The following UBE2D4 variants were observed in gnomAD, a reference collection of about 807,000 sequenced individuals.
The protein encoded by UBE2D4 is ubiquitin conjugating enzyme E2 D4.
UBE2D4 carries 17 observed loss-of-function variants against 23.0 expected under a neutral mutation model. The ratio of observed to expected loss-of-function variants is 0.74; its 90% CI spans 0.51 to 1.11. The LOEUF (loss-of-function observed/expected upper bound fraction) is 1.11, where lower values mean the gene tolerates loss of function less well. Ranked by LOEUF, UBE2D4 falls within the 50% of genes least tolerant of loss-of-function variation. UBE2D4 has a pLI of 0.00. For synonymous variants in UBE2D4, 61 were observed against 69.4 expected, an observed-to-expected ratio of 0.88 and a Z score of 0.60; for missense variants, 139 against 181.8, an observed-to-expected ratio of 0.76 and a Z score of 1.35.
rs2096010707 is a variant in UBE2D4, at chr7:43,955,078, T to C, written c.*2383T>C. 6.6e-6 allele frequency: 1 copy of C among 152,180 alleles called. No homozygotes were observed. The highest frequency in any genetic ancestry group is 1.5e-5 in the Non-Finnish European group (1 of 68,038). The allele number at this position is 152,180 out of a possible 1,614,324, so 9.4% of individuals were successfully genotyped here. A position where few individuals can be genotyped will look rare whatever the true frequency, so the allele number is the denominator to read the frequency against. On this transcript the variant is annotated 3_prime_UTR_variant, in exon 7 of 7. Coordinates refer to ENST00000222402, the MANE Select transcript of UBE2D4 (RefSeq NM_015983.4). ...GGTGGCTTTGTACCTTCCAGATCTC[T>C]CAGCAAATCCCCTGGGCAGAAATGT...
At chr7:43,950,983 C>A (rs2096001159) in intron 6 of UBE2D4, among the ~76,000 whole-genome samples, 1 of 152,182 alleles carries the variant, frequency 6.6e-6, no homozygotes, top group African/African-American at 2.4e-5. Context: ...CCCTCAAGAC[C>A]AGCAAAATCA....
At chr7:43,946,269 A>C (rs961060600) in intron 4 of UBE2D4, 5 of 152,154 alleles carry the variant, frequency 3.3e-5, no homozygotes, top group Non-Finnish European at 4.4e-5. Flanking sequence ...GGTACCATGT[A>C]CCTACTTATA....
intron 1 of UBE2D4, among the ~76,000 whole-genome samples, chr7:43,937,902 T>A (rs924703577): frequency 6.6e-6 from 1 of 152,160 alleles, no homozygotes; most frequent in Non-Finnish European, 1.5e-5. Context: ...ACTTGCCACA[T>A]AACCAGTGGT....
chr7:43,948,790 C>T (rs2095994531), intron 5 of UBE2D4, 53 bp downstream of exon 5: 2 of 1,371,680 alleles, frequency 1.5e-6, no homozygotes, highest in Non-Finnish European at 2.1e-6. Flanking sequence ...GTTTTTACCC[C>T]AGCACTGACT....
chr7:43,934,453 C>CTTTTT (rs36122809), intron 1 of UBE2D4, among the ~76,000 whole-genome samples: 46 of 142,236 alleles, frequency 3.2e-4, no homozygotes, highest in African/African-American at 1.0e-3. Context: ...CTTGTTTTTC[C>CTTTTT]TTTTTTTTTT....
rs2096000424 is a variant in UBE2D4 at position 43,950,700 on chromosome 7, T to C, written c.398+8T>C. The C allele has an allele frequency of 7.4e-6, 12 of 1,612,968 alleles. No individual in the cohort carries two copies. The highest frequency in any genetic ancestry group is 1.0e-5 in the Non-Finnish European group (12 of 1,178,914). ...CAAGGCCGACAGAGAGAAGTACGTG[T>C]CCTCTTTGGGTTGCCTTTGCACCAT... is the stretch of plus-strand genomic sequence containing the variant. On this transcript the variant is annotated splice_region_variant and intron_variant, in intron 6 of 6. Coordinates refer to ENST00000222402, the MANE Select transcript of UBE2D4 (RefSeq NM_015983.4).
At chr7:43,951,301 T>A (rs1218046373) in intron 6 of UBE2D4, among the ~76,000 whole-genome samples, 1 of 152,156 alleles carries the variant, frequency 6.6e-6, no homozygotes, top group African/African-American at 2.4e-5. Flanking sequence ...CTGTAGTTGG[T>A]GGGGCAGGCA....
chr7:43,948,488 T>G, intron 4 of UBE2D4, 144 bp from the exon 5 acceptor site: 2 of 594,724 alleles, frequency 3.4e-6, no homozygotes, highest in Non-Finnish European at 6.1e-6. Context: ...AGTTTGGGAG[T>G]GGGGGTCTGG....
intron 1 of UBE2D4, among the ~76,000 whole-genome samples, chr7:43,938,137 G>GAGCT (rs1426634081): frequency 6.6e-6 from 1 of 152,132 alleles, no homozygotes; most frequent in Admixed American, 6.5e-5. Flanking sequence ...GGGTAAGGCA[G>GAGCT]AGCTACATGT....
chr7:43,939,137 T>G (rs2095965286), intron 2 of UBE2D4, among the ~76,000 whole-genome samples: 1 of 152,180 alleles, frequency 6.6e-6, no homozygotes, highest in Non-Finnish European at 1.5e-5. Flanking sequence ...GTAAATATTG[T>G]TGGAGTTGGT....
At chr7:43,933,116 TTA>T (rs1214784819) in intron 1 of UBE2D4, among the ~76,000 whole-genome samples, 1 of 148,782 alleles carries the variant, frequency 6.7e-6, no homozygotes, top group Non-Finnish European at 1.5e-5. Context: ...ACATATATAC[TTA>T]TATGTGTGTA....
At chr7:43,948,767 C>T (rs2095994440) in intron 5 of UBE2D4, 30 bp downstream of exon 5, 5 of 1,504,136 alleles carry the variant, frequency 3.3e-6, no homozygotes, top group Non-Finnish European at 3.7e-6. Context: ...GCTCTGTGTG[C>T]TCTTTTACAC....
intron 2 of UBE2D4, chr7:43,942,491 T>C: frequency 2.1e-6 from 1 of 478,740 alleles, no homozygotes; most frequent in Middle Eastern, 6.1e-4. Context: ...GGGTGTTCTG[T>C]GTGTGTTGCC....
chr7:43,940,048 T>C (rs2095967848), intron 2 of UBE2D4, among the ~76,000 whole-genome samples: 1 of 152,158 alleles, frequency 6.6e-6, no homozygotes, highest in Non-Finnish European at 1.5e-5. Flanking sequence ...AAAAGAAATT[T>C]CACAAAGCTG....
At chr7:43,946,879 C>CT (rs934547842) in intron 4 of UBE2D4, among the ~76,000 whole-genome samples, 42 of 148,234 alleles carry the variant, frequency 2.8e-4, no homozygotes, top group African/African-American at 6.7e-4. Context: ...TTCTCTTTTT[C>CT]TTTTTTTTTT....
intron 1 of UBE2D4, among the ~76,000 whole-genome samples, chr7:43,927,300 T>C (rs1307595513): frequency 3.3e-5 from 2 of 60,806 alleles, no homozygotes; most frequent in African/African-American, 7.0e-5. Context: ...TATTTATAAC[T>C]TTTTTTTTTT....
intron 1 of UBE2D4, among the ~76,000 whole-genome samples, chr7:43,932,236 G>A (rs56887934): frequency 2.1e-4 from 32 of 149,510 alleles, no homozygotes; most frequent in Non-Finnish European, 4.3e-4. Context: ...TGATCCACCC[G>A]CCTTGGCCTC....
chr7:43,932,027 C>G (rs1452595464), intron 1 of UBE2D4, among the ~76,000 whole-genome samples: 1 of 148,588 alleles, frequency 6.7e-6, no homozygotes, highest in Non-Finnish European at 1.5e-5. Context: ...CTTGCTCTGT[C>G]GCCCAGGCTG....
chr7:43,931,527 G>A (rs2095945325), intron 1 of UBE2D4, among the ~76,000 whole-genome samples: 1 of 150,134 alleles, frequency 6.7e-6, no homozygotes, highest in South Asian at 2.1e-4. Flanking sequence ...CAGTTCCGCA[G>A]GCTGTACAGG....
Sources: gnomAD v4.1 joint callset for allele counts (sites outside exome capture counted in the v4.1 genomes callset) on GRCh38, gnomAD v4.1.1 for gene constraint, MANE v1.5 for transcripts, NCBI Gene and HGNC (gene_info 2026-07-23, HGNC 2026-07-21) for gene names.